Variants in GORAB observed in about 807,000 individuals in gnomAD.
The protein encoded by GORAB is RAB6-interacting golgin.
Under a neutral mutation model 29.9 loss-of-function variants are expected in GORAB, and 17 were observed. The ratio of observed to expected loss-of-function variants is 0.57; its 90% CI spans 0.39 to 0.85. GORAB has a LOEUF of 0.85. GORAB is among the 40% of genes least tolerant of loss of function. The probability of loss-of-function intolerance (pLI) is 0.00; values close to 1 mark genes in which losing one functional copy is unlikely to be tolerated. For missense variants in GORAB, 442 were observed against 437.8 expected, an observed-to-expected ratio of 1.01 and a Z score of -0.09; for synonymous variants, 183 against 157.2, an observed-to-expected ratio of 1.16 and a Z score of -1.23.
chr1:170,544,154 A>G (rs191649228), intron 3 of GORAB, among the ~76,000 whole-genome samples: 232 of 152,332 alleles, frequency 1.5e-3, no homozygotes, highest in African/African-American at 5.3e-3. Context: ...GTTCAGCTCC[A>G]TAAAGAATTT....
Position 170,552,584 on chromosome 1 carries a change from G to C in GORAB, c.*122G>C. 1 of 873,226 alleles carries C rather than the reference G, an allele frequency of 1.1e-6. No homozygotes were observed. Among genetic ancestry groups the C allele is most frequent in the Non-Finnish European group, 1.9e-6 (1 of 529,250 alleles). 54.1% of individuals were successfully genotyped at this position (873,226 alleles called of 1,614,324 possible). A position where few individuals can be genotyped will look rare whatever the true frequency, so the allele number is the denominator to read the frequency against. On this transcript the variant is annotated 3_prime_UTR_variant, in exon 5 of 5. Coordinates refer to ENST00000367763, the MANE Select transcript of GORAB (RefSeq NM_152281.3). Reference sequence around the variant, plus strand: ...ATGCTGATTTTTGAATTCATGATTAGTTTTAGTAAATTAATAGGTTTGGCC... The same window carrying C: ...ATGCTGATTTTTGAATTCATGATTACTTTTAGTAAATTAATAGGTTTGGCC...
At chr1:170,532,956 T>A (rs1648803871) in intron 1 of GORAB, among the ~76,000 whole-genome samples, 1 of 152,214 alleles carries the variant, frequency 6.6e-6, no homozygotes, top group Non-Finnish European at 1.5e-5. Context: ...GAGTAATCAT[T>A]GAATGGGCTT....
At position 170,552,298 on chromosome 1, in the gene GORAB, G is replaced by A. The variant is rs1362236142; in HGVS notation, c.946G>A (p.Glu316Lys). 6.2e-7 allele frequency: 1 copy of A among 1,614,142 alleles called. No homozygotes were observed. The highest frequency in any genetic ancestry group is 8.5e-7 in the Non-Finnish European group (1 of 1,179,978). ...AGAGAGGCCATTTCAGCCTGCGGAGGAGAGTGTGACATTAGAATTTGCTAA... is the reference window on the plus strand; with the variant it reads ...AGAGAGGCCATTTCAGCCTGCGGAGAAGAGTGTGACATTAGAATTTGCTAA... ...RLERPFQPAE[E>K]SVTLEFAKEN... is the part of the protein sequence containing the mutation. The change falls in exon 5 of 5, where the codon GAG becomes AAG. Residue 316 changes from glutamate (E) to lysine (K), a missense_variant. Transcript: ENST00000367763.
chr1:170,532,466 G>T, intron 1 of GORAB, 182 bp downstream of exon 1: 2 of 656,386 alleles, frequency 3.0e-6, no homozygotes, highest in Non-Finnish European at 2.7e-6. Context: ...ACGACGGGAG[G>T]GGCAAGCCAG....
At chr1:170,542,059 T>C (rs1202510861) in intron 2 of GORAB, among the ~76,000 whole-genome samples, 1 of 152,180 alleles carries the variant, frequency 6.6e-6, no homozygotes. Context: ...GTCTGAAACA[T>C]GTTAAGGTGG....
rs751708902 is a variant in GORAB, at chr1:170,539,371, G to A, written c.223G>A (p.Val75Ile). ...LLSAPKQRVN[V>I]QKPPFSSPTL... ...TTCAGCACCAAAACAGAGAGTTAAC[G>A]TTCAAAAACCACCTTTTTCTTCCCC... Residue 75 changes from valine to isoleucine, a missense_variant, in exon 2 of 5, where the codon GTT (valine) becomes ATT (isoleucine). Physicochemically the swap from Val to Ile is conservative, Grantham distance 29. Transcript: ENST00000367763. 44 of 1,613,966 alleles carry A rather than the reference G, an allele frequency of 2.7e-5. No individual in the cohort carries two copies. Among genetic ancestry groups the A allele is most frequent in the South Asian group, 2.6e-4 (24 of 91,088 alleles).
intron 2 of GORAB, among the ~76,000 whole-genome samples, chr1:170,540,246 T>G (rs1234556116): frequency 6.6e-6 from 1 of 152,168 alleles, no homozygotes; most frequent in Non-Finnish European, 1.5e-5. Context: ...TGTCTTTGTA[T>G]TAGAAACAAC....
At chr1:170,540,589 A>G (rs944274540) in intron 2 of GORAB, among the ~76,000 whole-genome samples, 3 of 152,216 alleles carry the variant, frequency 2.0e-5, no homozygotes, top group African/African-American at 7.2e-5. Flanking sequence ...TGAATTATGA[A>G]ACCTATATTG....
At chr1:170,545,749 C>A (rs1649717675) in intron 4 of GORAB, 5 of 984,836 alleles carry the variant, frequency 5.1e-6, no homozygotes, top group Non-Finnish European at 6.0e-6. Flanking sequence ...AGCGGAAATG[C>A]TTGATTGTGG....
In GORAB at chr1:170,552,400, T is replaced by C. The variant is rs1218088547; in HGVS notation, c.1048T>C (p.Phe350Leu). The C allele has an allele frequency of 8.7e-6, 14 of 1,613,974 alleles. No individual in the cohort carries two copies. Among genetic ancestry groups the C allele is most frequent in the Non-Finnish European group, 1.2e-5 (14 of 1,179,950 alleles). ...GTGTGGAAATTCCAGTAGCATCCCC[T>C]TTCTTAGTCCAAACTGCCCAAATCA... is the stretch of plus-strand genomic sequence containing the variant. ...DQCGNSSSIP[F>L]LSPNCPNQEG... The change falls in exon 5 of 5, where the codon TTT (phenylalanine) becomes CTT (leucine). Residue 350 changes from phenylalanine to leucine, a missense_variant. Phe to Leu is a conservative substitution (Grantham distance 22). Coordinates refer to ENST00000367763, the MANE Select transcript of GORAB (RefSeq NM_152281.3).
At chr1:170,545,087 C>T (rs1649674743) in intron 4 of GORAB, 8 of 1,186,442 alleles carry the variant, frequency 6.7e-6, no homozygotes, top group Non-Finnish European at 7.3e-6. Context: ...TATTTATTTA[C>T]GTTTTAGTCT....
At chr1:170,540,335 G>A (rs1304919704) in intron 2 of GORAB, among the ~76,000 whole-genome samples, 4 of 151,900 alleles carry the variant, frequency 2.6e-5, no homozygotes, top group African/African-American at 7.3e-5. Flanking sequence ...TTATTTGATA[G>A]CTTGTGTTTT....
In GORAB at chr1:170,552,433, A is replaced by G. The variant is rs1477182956; in HGVS notation, c.1081A>G (p.Asn361Asp). The change falls in exon 5 of 5, where the codon AAT (asparagine) becomes GAT (aspartate). Residue 361 changes from asparagine to aspartate, a missense_variant. Coordinates refer to ENST00000367763, the MANE Select transcript of GORAB (RefSeq NM_152281.3). ...LSPNCPNQEGNDISAALAT is the reference protein window; with the variant it reads ...LSPNCPNQEGDDISAALAT ...TCCAAACTGCCCAAATCAAGAAGGT[A>G]ATGACATTTCAGCTGCTTTGGCCAC... The G allele has an allele frequency of 6.2e-7, 1 of 1,613,954 alleles. No individual in the cohort carries two copies. Among genetic ancestry groups the G allele is most frequent in the East Asian group, 2.2e-5 (1 of 44,880 alleles).
intron 1 of GORAB, among the ~76,000 whole-genome samples, chr1:170,537,125 C>G (rs1053766260): frequency 2.6e-5 from 4 of 151,800 alleles, no homozygotes; most frequent in Non-Finnish European, 1.5e-5. Flanking sequence ...CCCTCCCTCC[C>G]TCTTTCATTC....
chr1:170,533,539 G>A, intron 1 of GORAB: 3 of 454,916 alleles, frequency 6.6e-6, no homozygotes, highest in Non-Finnish European at 1.3e-5. Flanking sequence ...TGTGATAGTA[G>A]ATATTGCAAG....
chr1:170,548,450 A>G (rs1649892932), intron 4 of GORAB, among the ~76,000 whole-genome samples: 1 of 152,226 alleles, frequency 6.6e-6, no homozygotes, highest in South Asian at 2.1e-4. Context: ...TAGAAAGTGA[A>G]TATCTTTGGG....
Position 170,542,707 on chromosome 1 carries a change from CTTTT to C in GORAB, c.521+116_521+119del, listed in dbSNP as rs1649512526. 9.0e-6 allele frequency: 7 copies of C among 775,450 alleles called. No individual in the cohort carries two copies. The Admixed American group carries it at 1.3e-4, about 14-fold the overall frequency. The allele number at this position is 775,450 out of a possible 1,614,324, so 48.0% of individuals were successfully genotyped here. A position where few individuals can be genotyped will look rare whatever the true frequency, so the allele number is the denominator to read the frequency against. On this transcript the variant is annotated intron_variant, in intron 3 of 4. Coordinates refer to ENST00000367763, the MANE Select transcript of GORAB (RefSeq NM_152281.3). ...ACTGATATTTTTTCTTCAACCATTA[CTTTT>C]AAGACTAACTAAACAAATTATGCTT... is the stretch of plus-strand genomic sequence containing the variant.
intron 1 of GORAB, among the ~76,000 whole-genome samples, chr1:170,535,260 C>T (rs1189473150): frequency 1.3e-5 from 2 of 152,300 alleles, no homozygotes; most frequent in Middle Eastern, 3.4e-3. Context: ...AGAGTAGTTA[C>T]TTCTACTACT....
chr1:170,532,514 A>G (rs1444077731), intron 1 of GORAB: 5 of 531,628 alleles, frequency 9.4e-6, no homozygotes, highest in South Asian at 6.0e-5. Context: ...CGGTCCAGGA[A>G]TCCACTGTAG....
Sources: gnomAD v4.1 joint callset for allele counts (sites outside exome capture counted in the v4.1 genomes callset) on GRCh38, gnomAD v4.1.1 for gene constraint, MANE v1.5 for transcripts, NCBI Gene and HGNC (gene_info 2026-07-23, HGNC 2026-07-21) for gene names.